Variants in RELN observed in about 807,000 individuals in gnomAD.
RELN encodes reelin.
In RELN, 108 loss-of-function variants were observed where a neutral mutation model predicts 427.6. That is an observed-to-expected ratio of 0.25 (90% CI 0.22 to 0.30). RELN has a LOEUF of 0.30. Among genes scored for constraint, RELN ranks in the 10% least tolerant of loss-of-function variants. The pLI is 1.00. For missense variants in RELN, 3,715 were observed against 4,302.8 expected, an observed-to-expected ratio of 0.86 and a Z score of 3.82; for synonymous variants, 1,524 against 1,513.4, an observed-to-expected ratio of 1.01 and a Z score of -0.16.
chr7:103,512,079 A>G (rs1829438403), intron 50 of RELN, among the ~76,000 whole-genome samples: 1 of 152,204 alleles, frequency 6.6e-6, no homozygotes, highest in Non-Finnish European at 1.5e-5. Flanking sequence ...CCTGTCAACC[A>G]TAGACACTAT....
At chr7:103,709,675 C>A (rs778884293) in intron 8 of RELN, among the ~76,000 whole-genome samples, 7 of 152,114 alleles carry the variant, frequency 4.6e-5, no homozygotes, top group Non-Finnish European at 7.4e-5. Context: ...TGCTCTTTTC[C>A]CTCTGCCCAT....
chr7:103,781,859 C>T (rs1328099173), intron 3 of RELN, among the ~76,000 whole-genome samples: 4 of 151,576 alleles, frequency 2.6e-5, no homozygotes, highest in East Asian at 1.9e-4. Context: ...AGCTGTCTCT[C>T]GGGGGGAAGG....
chr7:103,919,671 G>T (rs1193030932), intron 1 of RELN, among the ~76,000 whole-genome samples: 1 of 152,074 alleles, frequency 6.6e-6, no homozygotes, highest in African/African-American at 2.4e-5. Flanking sequence ...TTTCCTCTGT[G>T]CCCTGACGAC....
At chr7:103,972,324 A>C (rs1190961941) in intron 1 of RELN, among the ~76,000 whole-genome samples, 1 of 152,232 alleles carries the variant, frequency 6.6e-6, no homozygotes, top group Non-Finnish European at 1.5e-5. Context: ...ATGCAAATTA[A>C]AACACAGATT....
At position 103,486,201 on chromosome 7, in the gene RELN, C is replaced by A; in HGVS notation, c.9979G>T (p.Ala3327Ser). Reference protein sequence around the residue: ...AATKPLDLTRASKIMFVLQIG... With the variant: ...AATKPLDLTRSSKIMFVLQIG... The stretch of plus-strand genomic sequence containing the variant: ...AAAATATGGAGGTTTGGGTACCTTG[C>A]TCGAGTGAGATCCAGAGGCTTGGTA... The change falls in exon 61 of 65, where the codon GCA becomes TCA. Residue 3327 changes from alanine to serine, a missense_variant. Physicochemically the swap from Ala to Ser is moderately conservative, Grantham distance 99 (BLOSUM62 1). This residue lies in a region of RELN where 195 missense variants were observed against 281.3 expected (regional missense o/e 0.69). Transcript: ENST00000428762. 6.2e-7 allele frequency: 1 copy of A among 1,613,228 alleles called. No individual in the cohort carries two copies. The highest frequency in any genetic ancestry group is 2.2e-5 in the East Asian group (1 of 44,890).
intron 1 of RELN, among the ~76,000 whole-genome samples, chr7:103,920,178 C>T (rs1265427310): frequency 1.3e-5 from 2 of 152,170 alleles, no homozygotes; most frequent in East Asian, 1.9e-4. Flanking sequence ...TAGTTTAAAA[C>T]GTTCCATAGT....
At chr7:103,779,498 T>TA (rs1470211442) in intron 3 of RELN, among the ~76,000 whole-genome samples, 1 of 152,166 alleles carries the variant, frequency 6.6e-6, no homozygotes, top group Non-Finnish European at 1.5e-5. Flanking sequence ...TTAACAGCCC[T>TA]ACAAAGTAGA....
intron 59 of RELN, 37 bp from the exon 60 acceptor site, chr7:103,489,936 G>A (rs375667254): frequency 3.7e-6 from 6 of 1,612,618 alleles, no homozygotes; most frequent in South Asian, 1.1e-5. Context: ...GATTCAGTAG[G>A]TTGTTACTTC....
intron 8 of RELN, among the ~76,000 whole-genome samples, chr7:103,704,099 A>G (rs886900057): frequency 8.5e-5 from 13 of 152,198 alleles, no homozygotes; most frequent in Non-Finnish European, 1.5e-4. Context: ...TTTTTTGTGA[A>G]AGGTAGTTGG....
At chr7:103,489,960 T>C in intron 59 of RELN, 61 bp from the exon 60 acceptor site, 2 of 1,594,460 alleles carry the variant, frequency 1.3e-6, no homozygotes, top group Non-Finnish European at 1.7e-6. Context: ...GGCTGCATCC[T>C]GCCTCCAGCC....
chr7:103,631,286 CTTTTTT>C (rs545808640), intron 19 of RELN, among the ~76,000 whole-genome samples: 22,636 of 77,726 alleles, frequency 0.29, 1,936 homozygotes, highest in Middle Eastern at 0.53. Context: ...AAAAACACTT[CTTTTTT>C]TTTTTTTTTT....
At chr7:103,874,432 T>A (rs1469475665) in intron 2 of RELN, among the ~76,000 whole-genome samples, 3 of 143,058 alleles carry the variant, frequency 2.1e-5, no homozygotes, top group African/African-American at 7.5e-5. Context: ...TGTTTGCAGA[T>A]GACATGATTG....
chr7:103,881,901 T>C (rs1794616186), intron 2 of RELN, among the ~76,000 whole-genome samples: 2 of 152,068 alleles, frequency 1.3e-5, no homozygotes, highest in African/African-American at 4.8e-5. Flanking sequence ...GATTTTAAGC[T>C]CCTAAAAGGC....
chr7:103,494,465 A>C (rs1297747342), intron 57 of RELN, among the ~76,000 whole-genome samples: 1 of 150,500 alleles, frequency 6.6e-6, no homozygotes, highest in African/African-American at 2.5e-5. Flanking sequence ...ACCTCCAACC[A>C]CTGGGCTCGA....
In RELN at chr7:103,640,433, G is replaced by T. The variant is rs1832673070; in HGVS notation, c.2069+110C>A. 9.4e-7 allele frequency: 1 copy of T among 1,064,434 alleles called. No individual in the cohort carries two copies. The allele number at this position is 1,064,434 out of a possible 1,614,324, so 65.9% of individuals were successfully genotyped here. On this transcript the variant is annotated intron_variant, in intron 17 of 64. Transcript: ENST00000428762. This position sits in a 1 kb window ranked among gnomAD's most constrained non-coding sequence, Gnocchi z 4.1. ...TTCTAATAGAAATATCCAACTTTTT[G>T]TCTTAAAAAGATCCCCGATCCTAAA...
intron 3 of RELN, among the ~76,000 whole-genome samples, chr7:103,831,549 C>A (rs1241648527): frequency 6.6e-6 from 1 of 152,032 alleles, no homozygotes; most frequent in African/African-American, 2.4e-5. Context: ...GATACCTTGG[C>A]AAGTTTTACA....
intron 64 of RELN, among the ~76,000 whole-genome samples, chr7:103,476,093 A>G (rs1203899269): frequency 3.3e-5 from 5 of 152,126 alleles, no homozygotes; most frequent in South Asian, 2.1e-4. Context: ...TATCAGTATC[A>G]TATCTTTGGA....
intron 22 of RELN, among the ~76,000 whole-genome samples, chr7:103,609,155 G>T: frequency 6.7e-6 from 1 of 148,764 alleles, no homozygotes. Context: ...CCCGGGAAAT[G>T]AAGGCTGCAA....
intron 1 of RELN, among the ~76,000 whole-genome samples, chr7:103,930,948 A>T (rs75387091): frequency 0.04 from 5,940 of 150,168 alleles, 373 homozygotes; most frequent in African/African-American, 0.14. Flanking sequence ...TTGAAATCCA[A>T]GCCGATCAGG....
Sources: allele counts gnomAD v4.1 joint callset (sites outside exome capture counted in the v4.1 genomes callset), GRCh38; gene constraint gnomAD v4.1.1; regional missense constraint gnomAD v4.1.1; non-coding constraint Gnocchi (gnomAD v3.1); transcripts MANE v1.5; gene names NCBI Gene and HGNC (gene_info 2026-07-23, HGNC 2026-07-21).